The following MMS19 variants were observed in gnomAD, a reference collection of about 807,000 sequenced individuals.
MMS19 encodes the protein MMS19 nucleotide excision repair protein homolog.
Under a neutral mutation model 129.8 loss-of-function variants are expected in MMS19, and 77 were observed. That is an observed-to-expected ratio of 0.59 (90% CI 0.49 to 0.72). MMS19 has a LOEUF of 0.72. Ranked by LOEUF, MMS19 falls within the 30% of genes least tolerant of loss-of-function variation. The pLI is 0.00. For synonymous variants in MMS19, 491 were observed against 502.8 expected (o/e 0.98, Z 0.31); for missense variants, 1,168 against 1,266.3 (o/e 0.92, Z 1.18).
In MMS19 at chr10:97,468,294, A is replaced by G. The variant is rs142314848; in HGVS notation, c.1176T>C (p.Asn392=). Residue 392 remains asparagine, a synonymous_variant, in exon 13 of 31, where the codon AAT becomes AAC. Transcript: ENST00000438925. ...SARACDSVTS[N]VLPLLLEQFH... ...ACTGTTCCAGCAGTAAAGGCAGTAC[A>G]TTGCTGGTGACAGAGTCACAGGCCC... 4,527 of 1,610,608 alleles carry G rather than the reference A, an allele frequency of 2.8e-3. 11 individuals are homozygous for G. Among genetic ancestry groups the G allele is most frequent in the Middle Eastern group, 9.3e-3 (56 of 6,054 alleles).
At chr10:97,496,143 T>C (rs2039735375) in intron 1 of MMS19, among the ~76,000 whole-genome samples, 1 of 152,196 alleles carries the variant, frequency 6.6e-6, no homozygotes, top group Non-Finnish European at 1.5e-5. Context: ...CTTAAATCAG[T>C]TGAGTTGAAT....
intron 3 of MMS19, among the ~76,000 whole-genome samples, chr10:97,479,458 C>T (rs2036365499): frequency 6.6e-6 from 1 of 152,102 alleles, no homozygotes; most frequent in South Asian, 2.1e-4. Flanking sequence ...CAGGAGTCAT[C>T]ACCCCAAACC....
intron 1 of MMS19, among the ~76,000 whole-genome samples, chr10:97,495,969 C>A (rs986489748): frequency 6.6e-6 from 1 of 152,028 alleles, no homozygotes; most frequent in Non-Finnish European, 1.5e-5. Flanking sequence ...TTCAGTAGAG[C>A]GGGGTTTCAC....
intron 1 of MMS19, among the ~76,000 whole-genome samples, chr10:97,494,910 G>GCCAA (rs2039514756): frequency 6.6e-6 from 1 of 152,166 alleles, no homozygotes; most frequent in Non-Finnish European, 1.5e-5. Flanking sequence ...ACCTACTGAT[G>GCCAA]CCAATTTCAG....
Position 97,489,681 on chromosome 10 carries a change from A to G in MMS19, c.113-5530T>C, listed in dbSNP as rs575107617. ...TACCAAATTGCAGTTAGTCATCTTG[A>G]ATTCTTAGTCTCTCCTGGTCTGTGA... On this transcript the variant is annotated intron_variant, in intron 1 of 30. Transcript: ENST00000438925. Among the ~76,000 whole-genome samples the G allele has an allele frequency of 1.2e-4, 18 of 152,322 alleles. No individual in the cohort carries two copies. The South Asian group carries it at 3.7e-3, about 32-fold the overall frequency.
At chr10:97,470,632 G>A in intron 9 of MMS19, 143 bp downstream of exon 9, 1 of 595,464 alleles carries the variant, frequency 1.7e-6, no homozygotes, top group Non-Finnish European at 3.0e-6. Context: ...TCGAAGGTCT[G>A]AAGATACCTG....
At position 97,478,376 on chromosome 10, in the gene MMS19, T is replaced by C; in HGVS notation, c.276A>G (p.Ile92Met). 6.2e-7 allele frequency: 1 copy of C among 1,604,670 alleles called. No individual in the cohort carries two copies. Among genetic ancestry groups the C allele is most frequent in the Non-Finnish European group, 8.5e-7 (1 of 1,175,560 alleles). ...LLLEKEVVHL[I>M]LFYENRLKDH... is the part of the protein sequence containing the mutation. Reference sequence around the variant, plus strand: ...CCTTCAGCCGGTTCTCATAGAACAGTATCAGGTGTACCACTGCACAAACCA... The same window carrying C: ...CCTTCAGCCGGTTCTCATAGAACAGCATCAGGTGTACCACTGCACAAACCA... Residue 92 changes from isoleucine (I) to methionine (M), a missense_variant, in exon 4 of 31, where the codon ATA becomes ATG. Transcript: ENST00000438925.
rs566453457 is a variant in MMS19, at chr10:97,478,359, C to T, written c.293G>A (p.Arg98Gln). Residue 98 changes from arginine to glutamine, a missense_variant, in exon 4 of 31, where the codon CGG becomes CAG. Physicochemically the swap from Arg to Gln is conservative, Grantham distance 43 (BLOSUM62 1). Coordinates refer to ENST00000438925, the MANE Select transcript of MMS19 (RefSeq NM_022362.5). Reference sequence around the variant, plus strand: ...GATCACAAGATGATGGTCCTTCAGCCGGTTCTCATAGAACAGTATCAGGTG... The same window carrying T: ...GATCACAAGATGATGGTCCTTCAGCTGGTTCTCATAGAACAGTATCAGGTG... ...VVHLILFYEN[R>Q]LKDHHLVIPS... 1.4e-4 allele frequency: 220 copies of T among 1,606,056 alleles called. 3 individuals are homozygous for T. The South Asian group carries it at 1.8e-3, about 13-fold the overall frequency.
intron 24 of MMS19, 21 bp downstream of exon 24, chr10:97,460,886 G>C: frequency 6.4e-7 from 1 of 1,559,542 alleles, no homozygotes; most frequent in Non-Finnish European, 8.7e-7. Context: ...TGGCTAACCA[G>C]ACTCCACTCC....
intron 1 of MMS19, among the ~76,000 whole-genome samples, chr10:97,492,753 G>C (rs11189236): frequency 6.6e-6 from 1 of 150,720 alleles, no homozygotes; most frequent in East Asian, 2.0e-4. Context: ...TAGCTGTTTC[G>C]GAGGCTGAGG....
Position 97,466,102 on chromosome 10 carries a change from G to A in MMS19, c.1563C>T (p.Phe521=). 1.0e-5 allele frequency: 16 copies of A among 1,605,876 alleles called. No homozygotes were observed. The highest frequency in any genetic ancestry group is 1.4e-5 in the Non-Finnish European group (16 of 1,175,894). ...CGAGCTTGGGTACGAGGTGGCTGCT[G>A]AAGGCCACAGGGTAGAGAGCAGCCA... ...GTLAALYPVA[F]SSHLVPKLAE... The change falls in exon 17 of 31, where the codon TTC becomes TTT. Residue 521 remains phenylalanine, a synonymous_variant. Coordinates refer to ENST00000438925, the MANE Select transcript of MMS19 (RefSeq NM_022362.5).
rs2275585 is a variant in MMS19 at position 97,470,096 on chromosome 10, T to C, written c.846+33A>G. 1.1e-3 allele frequency: 1,678 copies of C among 1,462,662 alleles called. 31 individuals carry two copies. In the East Asian group the frequency reaches 0.031, roughly 27 times the overall value. The allele number at this position is 1,462,662 out of a possible 1,614,324, so 90.6% of individuals were successfully genotyped here. The stretch of plus-strand genomic sequence containing the variant: ...TTAGGACCCCTAACTTGTCAAAAGG[T>C]AGCTGGGTCCTGCAAGGAGAAAAAT... On this transcript the variant is annotated intron_variant, in intron 10 of 30. Transcript: ENST00000438925.
rs748346482 is a variant in MMS19 at position 97,469,099 on chromosome 10, G to T, written c.930C>A (p.Phe310Leu). The change falls in exon 12 of 31, where the codon TTC becomes TTA. Residue 310 changes from phenylalanine to leucine, a missense_variant. Transcript: ENST00000438925. ...SLWASIRREVFQTASERVEAE... is the reference protein window; with the variant it reads ...SLWASIRREVLQTASERVEAE... ...CCTCCACCCGCTCACTTGCCGTCTG[G>T]AACACCTGTCAGGGAGGGATCCCAT... The T allele has an allele frequency of 1.9e-6, 3 of 1,575,558 alleles. No homozygotes were observed. The highest frequency in any genetic ancestry group is 2.6e-6 in the Non-Finnish European group (3 of 1,164,306).
Position 97,458,688 on chromosome 10 carries a change from G to C in MMS19, c.*4C>G. 1 of 1,607,174 alleles carries C rather than the reference G, an allele frequency of 6.2e-7. No individual in the cohort carries two copies. Among genetic ancestry groups the C allele is most frequent in the Non-Finnish European group, 8.5e-7 (1 of 1,176,644 alleles). On this transcript the variant is annotated 3_prime_UTR_variant, in exon 31 of 31. Coordinates refer to ENST00000438925, the MANE Select transcript of MMS19 (RefSeq NM_022362.5). ...TCAGAACAGTCTAGGCCAGGACTGA[G>C]GGCTCAGCTGCCAGGGCTCCCCAAC...
At chr10:97,482,131 G>A (rs977276446) in intron 2 of MMS19, among the ~76,000 whole-genome samples, 3 of 152,092 alleles carry the variant, frequency 2.0e-5, no homozygotes, top group South Asian at 4.1e-4. Context: ...GGCCATGATC[G>A]CTCCACTGCA....
intron 8 of MMS19, among the ~76,000 whole-genome samples, chr10:97,472,128 G>A (rs1332463462): frequency 6.6e-6 from 1 of 152,116 alleles, no homozygotes; most frequent in African/African-American, 2.4e-5. Context: ...TCAATGTATC[G>A]GGGTGAACCA....
intron 1 of MMS19, among the ~76,000 whole-genome samples, chr10:97,491,863 G>A (rs1209850104): frequency 6.6e-6 from 1 of 152,066 alleles, no homozygotes; most frequent in East Asian, 1.9e-4. Flanking sequence ...CTATAAGGCC[G>A]GGCACGGTGG....
rs2033987826 is a variant in MMS19 at position 97,468,464 on chromosome 10, T to C, written c.1064-58A>G. The C allele has an allele frequency of 2.7e-6, 4 of 1,497,426 alleles. No homozygotes were observed. The South Asian group carries it at 5.2e-5, about 20-fold the overall frequency. The allele number at this position is 1,497,426 out of a possible 1,614,324, so 92.8% of individuals were successfully genotyped here. A position where few individuals can be genotyped will look rare whatever the true frequency, so the allele number is the denominator to read the frequency against. On this transcript the variant is annotated intron_variant, in intron 12 of 30. Transcript: ENST00000438925. ...GAGGCCAAATGGTGCCTGACTCCCC[T>C]ACAGTCCACAGAGGTTGGAGACTGA...
At chr10:97,460,379 T>G in intron 25 of MMS19, 147 bp from the exon 26 acceptor site, 2 of 710,376 alleles carry the variant, frequency 2.8e-6, no homozygotes, top group Non-Finnish European at 4.6e-6. Context: ...TCTAGGAGTC[T>G]GGGCAACATG....
Sources: allele counts gnomAD v4.1 joint callset (sites outside exome capture counted in the v4.1 genomes callset), GRCh38; gene constraint gnomAD v4.1.1; transcripts MANE v1.5; gene names NCBI Gene and HGNC (gene_info 2026-07-23, HGNC 2026-07-21).